TMEM131: variants seen among roughly 807,000 people sequenced by gnomAD.
TMEM131 encodes the protein 2610524E03Rik.
Under a neutral mutation model 211.6 loss-of-function variants are expected in TMEM131, and 66 were observed. That is an observed-to-expected ratio of 0.31 (90% CI 0.26 to 0.38). The LOEUF (loss-of-function observed/expected upper bound fraction) is 0.38, where lower values mean the gene tolerates loss of function less well. Among genes scored for constraint, TMEM131 ranks in the 10% least tolerant of loss-of-function variants. The pLI is 1.00. For missense variants in TMEM131, 2,036 were observed against 2,299.3 expected, an observed-to-expected ratio of 0.89 and a Z score of 2.34; for synonymous variants, 844 against 841.3, an observed-to-expected ratio of 1.00 and a Z score of -0.06.
chr2:97,823,692 G>A (rs1682236634), intron 11 of TMEM131, among the ~76,000 whole-genome samples: 1 of 152,170 alleles, frequency 6.6e-6, no homozygotes, highest in Admixed American at 6.5e-5. Context: ...GAAGGACTAA[G>A]AAGAATTAGG....
At chr2:97,792,034 G>A (rs1680519267) in intron 31 of TMEM131, among the ~76,000 whole-genome samples, 1 of 152,180 alleles carries the variant, frequency 6.6e-6, no homozygotes, top group Non-Finnish European at 1.5e-5. Flanking sequence ...CTAATTTGGA[G>A]TTAAAAGGCA....
chr2:97,921,589 C>T (rs1333741315), intron 2 of TMEM131, among the ~76,000 whole-genome samples: 1 of 152,138 alleles, frequency 6.6e-6, no homozygotes, highest in African/African-American at 2.4e-5. Context: ...AAGCTATTTT[C>T]AATATATGTA....
At chr2:97,952,666 C>T (rs1678377971) in intron 1 of TMEM131, among the ~76,000 whole-genome samples, 1 of 152,158 alleles carries the variant, frequency 6.6e-6, no homozygotes, top group African/African-American at 2.4e-5. Flanking sequence ...CACTTGAGCC[C>T]AGGAGCTCGA....
In TMEM131 at chr2:97,802,453, C is replaced by A. The variant is rs1681077883; in HGVS notation, c.2626G>T (p.Val876Leu). 3 of 1,610,580 alleles carry A rather than the reference C, an allele frequency of 1.9e-6. No individual in the cohort carries two copies. The highest frequency in any genetic ancestry group is 1.1e-5 in the South Asian group (1 of 90,162). The change falls in exon 24 of 41, where the codon GTG becomes TTG. Residue 876 changes from valine to leucine, a missense_variant. By Grantham distance (32) the Val-to-Leu change is conservative. Coordinates refer to ENST00000186436, the MANE Select transcript of TMEM131 (RefSeq NM_015348.2). Reference protein sequence around the residue: ...IPLALYSNPSVFVDKLVSRFN... With the variant: ...IPLALYSNPSLFVDKLVSRFN... ...CTTGATACTAACTTATCTACAAACACTGAAGGGTTGGAATATAAAGCCAGA... is the reference window on the plus strand; with the variant it reads ...CTTGATACTAACTTATCTACAAACAATGAAGGGTTGGAATATAAAGCCAGA...
chr2:97,865,870 T>C (rs1674249271), intron 4 of TMEM131, among the ~76,000 whole-genome samples: 2 of 152,170 alleles, frequency 1.3e-5, no homozygotes, highest in South Asian at 4.1e-4. Flanking sequence ...CAGGGCTTGC[T>C]TTCTGGCAAG....
intron 11 of TMEM131, among the ~76,000 whole-genome samples, chr2:97,818,956 G>GT (rs1222527928): frequency 1.3e-4 from 20 of 152,188 alleles, no homozygotes; most frequent in Non-Finnish European, 2.5e-4. Flanking sequence ...ATTTGTAAGT[G>GT]TAAGAATCTA....
chr2:97,950,099 G>A (rs897194223), intron 1 of TMEM131, among the ~76,000 whole-genome samples: 1 of 151,962 alleles, frequency 6.6e-6, no homozygotes, highest in African/African-American at 2.4e-5. Context: ...CTTTCTTACA[G>A]AATATCCAAA....
rs576217663 is a variant in TMEM131 at position 97,784,633 on chromosome 2, A to T, written c.4144+7753T>A. ...GGAGGAAATTTATAGCACTAAAAGC[A>T]TACATAAAACGGGGGGGAAAGTCCT... On this transcript the variant is annotated intron_variant, in intron 31 of 40. Coordinates refer to ENST00000186436, the MANE Select transcript of TMEM131 (RefSeq NM_015348.2). Among the ~76,000 whole-genome samples the T allele has an allele frequency of 2.6e-5, 4 of 152,002 alleles. No homozygotes were observed. The East Asian group carries it at 7.7e-4, about 29-fold the overall frequency.
At chr2:97,773,455 A>C (rs533354080) in intron 32 of TMEM131, among the ~76,000 whole-genome samples, 9 of 152,170 alleles carry the variant, frequency 5.9e-5, no homozygotes, top group Non-Finnish European at 7.3e-5. Flanking sequence ...GCCCGCTAAA[A>C]TGTGGAATCT....
In TMEM131 at chr2:97,775,882, T is replaced by TGTG. The variant is rs748929959; in HGVS notation, c.4278_4280dup (p.Thr1427dup). 1 of 1,613,878 alleles carries TGTG rather than the reference T, an allele frequency of 6.2e-7. No homozygotes were observed. Among genetic ancestry groups the TGTG allele is most frequent in the Non-Finnish European group, 8.5e-7 (1 of 1,179,890 alleles). ...GTTCTGTGTCAGGGTTGGAGGTCTC[T>TGTG]GTGGTGGTGGAGGAGCTATCATCAT... On this transcript the variant is annotated inframe_insertion, in exon 32 of 41. Transcript: ENST00000186436.
intron 1 of TMEM131, among the ~76,000 whole-genome samples, chr2:97,974,022 T>C (rs1370803829): frequency 6.6e-6 from 1 of 152,132 alleles, no homozygotes; most frequent in East Asian, 1.9e-4. Flanking sequence ...CAGAAAAACA[T>C]GACCCAATAC....
At chr2:97,994,363 G>C (rs1439119065) in intron 1 of TMEM131, among the ~76,000 whole-genome samples, 1 of 152,212 alleles carries the variant, frequency 6.6e-6, no homozygotes, top group Admixed American at 6.5e-5. Context: ...AGGTTGCTTA[G>C]AGAGTTAGAT....
rs771940452 is a variant in TMEM131, at chr2:97,813,943, A to C, written c.1617+28T>G. ...AACATTAAAGGTGGGCAGGGAGTTT[A>C]AATGTTAAAGATGGATAATATACTT... On this transcript the variant is annotated intron_variant, in intron 15 of 40. Transcript: ENST00000186436. The C allele has an allele frequency of 4.0e-6, 6 of 1,506,248 alleles. No individual in the cohort carries two copies. The South Asian group carries it at 6.2e-5, about 16-fold the overall frequency. The allele number at this position is 1,506,248 out of a possible 1,614,324, so 93.3% of individuals were successfully genotyped here.
chr2:97,847,542 T>G (rs1457005899), intron 5 of TMEM131, among the ~76,000 whole-genome samples: 3 of 152,122 alleles, frequency 2.0e-5, no homozygotes, highest in Non-Finnish European at 4.4e-5. Context: ...GAAGACAAAT[T>G]AATGAAAATA....
At chr2:97,886,765 G>A (rs1392455035) in intron 4 of TMEM131, among the ~76,000 whole-genome samples, 1 of 152,218 alleles carries the variant, frequency 6.6e-6, no homozygotes, top group African/African-American at 2.4e-5. Context: ...TTAGTTGGAT[G>A]GTGTGGGTGT....
chr2:97,898,283 G>A (rs1675702272), intron 3 of TMEM131, among the ~76,000 whole-genome samples: 1 of 151,944 alleles, frequency 6.6e-6, no homozygotes, highest in Admixed American at 6.6e-5. Flanking sequence ...AGCTATAAAT[G>A]TCTATTTAAA....
At chr2:97,856,502 T>G (rs1673852685) in intron 5 of TMEM131, among the ~76,000 whole-genome samples, 1 of 152,228 alleles carries the variant, frequency 6.6e-6, no homozygotes, top group Admixed American at 6.5e-5. Flanking sequence ...AAATAGTCTT[T>G]TCTGTATTTC....
chr2:97,822,449 C>A (rs767889190), intron 11 of TMEM131, among the ~76,000 whole-genome samples: 5 of 152,148 alleles, frequency 3.3e-5, no homozygotes, highest in Admixed American at 6.5e-5. Context: ...AGGGTACGGC[C>A]CTCCACTTCA....
chr2:97,943,037 AAAAGAAAGAAAG>A lies in TMEM131; in HGVS notation c.188-15562_188-15551del, dbSNP rs71394401. Among the ~76,000 whole-genome samples the A allele has an allele frequency of 6.0e-3, 399 of 66,022 alleles. 10 individuals carry two copies. Among genetic ancestry groups the A allele is most frequent in the South Asian group, 0.013 (25 of 1,994 alleles). 43.3% of individuals were successfully genotyped at this position (66,022 alleles called of 152,430 possible). ...AAAAGAAAAGAAAAGAAAAGAAAAG[AAAAGAAAGAAAG>A]AAAGAAAGAAAGAAAGAAAGAAAGA... On this transcript the variant is annotated intron_variant, in intron 1 of 40. Coordinates refer to ENST00000186436, the MANE Select transcript of TMEM131 (RefSeq NM_015348.2).
Sources: gnomAD v4.1 joint callset for allele counts (sites outside exome capture counted in the v4.1 genomes callset) on GRCh38, gnomAD v4.1.1 for gene constraint, MANE v1.5 for transcripts, NCBI Gene and HGNC (gene_info 2026-07-23, HGNC 2026-07-21) for gene names.